The following CLTCL1 variants were observed in gnomAD, a reference collection of about 807,000 sequenced individuals.
The protein encoded by CLTCL1 is clathrin heavy chain like 1.
Under a neutral mutation model 190.0 loss-of-function variants are expected in CLTCL1, and 159 were observed. That is an observed-to-expected ratio of 0.84 (90% CI 0.74 to 0.95). CLTCL1 has a LOEUF of 0.95. CLTCL1 is among the 40% of genes least tolerant of loss of function. The pLI is 0.00. For missense variants in CLTCL1, 1,878 were observed against 2,033.4 expected, an observed-to-expected ratio of 0.92 and a Z score of 1.47; for synonymous variants, 752 against 769.6, an observed-to-expected ratio of 0.98 and a Z score of 0.38.
intron 1 of CLTCL1, among the ~76,000 whole-genome samples, chr22:19,289,949 G>C (rs1308956649): frequency 6.6e-6 from 1 of 152,210 alleles, no homozygotes; most frequent in African/African-American, 2.4e-5. Flanking sequence ...CTGTAGTGAA[G>C]GCAGTGTGTG....
chr22:19,260,120 G>A (rs2086893642), intron 2 of CLTCL1, among the ~76,000 whole-genome samples: 1 of 152,192 alleles, frequency 6.6e-6, no homozygotes, highest in Admixed American at 6.5e-5. Flanking sequence ...CATGAAGGCT[G>A]AGAGAGGTGA....
chr22:19,201,350 G>A lies in CLTCL1; in HGVS notation c.3744C>T (p.Ser1248=). ...QAAVDNSRKA[S]STRTWKEVCF... ...TCACCTCCTTCCACGTCCGGGTGCT[G>A]CTGGCCTTGCGGCTGTTGTCCACTG... Residue 1248 remains serine, a synonymous_variant, in exon 23 of 33, where the codon AGC becomes AGT. Coordinates refer to ENST00000427926, the MANE Select transcript of CLTCL1 (RefSeq NM_007098.4). 2 of 1,612,802 alleles carry A rather than the reference G, an allele frequency of 1.2e-6. No homozygotes were observed. The highest frequency in any genetic ancestry group is 1.7e-6 in the Non-Finnish European group (2 of 1,179,572).
chr22:19,266,277 AAAG>A lies in CLTCL1; in HGVS notation c.250+9343_250+9345del, dbSNP rs1341801565. ...ACCACTGCCAACCCCAAAGAAATTA[AAAG>A]AAGCGAATATTATGAACAATTTTAT... On this transcript the variant is annotated intron_variant, in intron 2 of 32. Coordinates refer to ENST00000427926, the MANE Select transcript of CLTCL1 (RefSeq NM_007098.4). Among the ~76,000 whole-genome samples the A allele has an allele frequency of 3.9e-5, 6 of 152,364 alleles. No individual in the cohort carries two copies. The South Asian group carries it at 8.3e-4, about 21-fold the overall frequency.
intron 3 of CLTCL1, among the ~76,000 whole-genome samples, chr22:19,245,090 G>A (rs1285718186): frequency 1.3e-5 from 2 of 151,844 alleles, no homozygotes; most frequent in African/African-American, 4.8e-5. Flanking sequence ...CCAGGTGACA[G>A]GAACAGAAGT....
intron 1 of CLTCL1, among the ~76,000 whole-genome samples, chr22:19,283,163 G>T (rs1477670259): frequency 1.3e-5 from 2 of 149,166 alleles, no homozygotes; most frequent in Non-Finnish European, 3.0e-5. Flanking sequence ...TGAGCCACAG[G>T]GCCTGGCCCA....
At chr22:19,180,283 C>T in intron 31 of CLTCL1, 45 bp from the exon 32 acceptor site, 2 of 1,610,918 alleles carry the variant, frequency 1.2e-6, no homozygotes, top group Non-Finnish European at 8.5e-7. Context: ...ACACACTCAG[C>T]CGGACGCTGG....
chr22:19,248,580 T>A (rs1388202564), intron 3 of CLTCL1, among the ~76,000 whole-genome samples: 2 of 152,204 alleles, frequency 1.3e-5, no homozygotes, highest in East Asian at 3.8e-4. Flanking sequence ...CCACCTCCAG[T>A]CATAGGCAAC....
At chr22:19,217,865 A>AG (rs1555950414) in intron 18 of CLTCL1, among the ~76,000 whole-genome samples, 1 of 151,688 alleles carries the variant, frequency 6.6e-6, no homozygotes, top group African/African-American at 2.4e-5. Context: ...AAAAAAAAAA[A>AG]AAAGAAAGAA....
Position 19,179,943 on chromosome 22 carries a change from TGGCAGGGGCTGGGCCCAC to T in CLTCL1, c.*29_*46del, listed in dbSNP as rs2084071591. Reference sequence around the variant, plus strand: ...GCAGAGGCATATCCATAGGGGAAGCTGGCAGGGGCTGGGCCCACGGCAGGGCCTGCAGAGGGGGAAGCC... The same window carrying T: ...GCAGAGGCATATCCATAGGGGAAGCTGGCAGGGCCTGCAGAGGGGGAAGCC... On this transcript the variant is annotated 3_prime_UTR_variant, in exon 33 of 33. Transcript: ENST00000427926. 5.6e-6 allele frequency: 3 copies of T among 539,082 alleles called. No individual in the cohort carries two copies. The highest frequency in any genetic ancestry group is 1.9e-5 in the African/African-American group (1 of 52,604). 33.4% of individuals were successfully genotyped at this position (539,082 alleles called of 1,614,324 possible).
At chr22:19,184,544 G>A (rs527844395) in intron 29 of CLTCL1, 8 of 456,022 alleles carry the variant, frequency 1.8e-5, no homozygotes, top group South Asian at 1.2e-4. Context: ...TTCCTACAAA[G>A]GCACCAGGAT....
At chr22:19,252,735 A>C (rs886524804) in intron 3 of CLTCL1, among the ~76,000 whole-genome samples, 8 of 151,954 alleles carry the variant, frequency 5.3e-5, no homozygotes, top group South Asian at 4.1e-4. Flanking sequence ...AAAAAAGGGG[A>C]CGGGCGCGGT....
At position 19,180,720 on chromosome 22, in the gene CLTCL1, G is replaced by T. The variant is rs1555925421; in HGVS notation, c.4903+11C>A. 1 of 1,613,490 alleles carries T rather than the reference G, an allele frequency of 6.2e-7. No homozygotes were observed. The highest frequency in any genetic ancestry group is 1.7e-5 in the Admixed American group (1 of 60,022). The stretch of plus-strand genomic sequence containing the variant: ...CTCCCCAGGGGGTTGGGGGCTACAG[G>T]TGCCACCTACCAAACACGAGAGGGG... On this transcript the variant is annotated intron_variant, in intron 31 of 32. Coordinates refer to ENST00000427926, the MANE Select transcript of CLTCL1 (RefSeq NM_007098.4).
rs781965357 is a variant in CLTCL1, at chr22:19,257,849, G to C, written c.251-3622C>G. ...TGGAGACTGAGAATTAGAGGCTGGA[G>C]AGCAAAAACCGGGAGCACCTGGAGA... On this transcript the variant is annotated intron_variant, in intron 2 of 32. Transcript: ENST00000427926. 8 of 1,419,462 alleles carry C rather than the reference G, an allele frequency of 5.6e-6. No individual in the cohort carries two copies. The South Asian group carries it at 7.8e-5, about 14-fold the overall frequency. 87.9% of individuals were successfully genotyped at this position (1,419,462 alleles called of 1,614,324 possible).
chr22:19,184,261 G>C (rs1199525001), intron 29 of CLTCL1: 3 of 331,960 alleles, frequency 9.0e-6, no homozygotes, highest in African/African-American at 2.2e-5. Context: ...AGGAACCTGA[G>C]ACCCAGATGT....
At chr22:19,207,666 G>A in intron 22 of CLTCL1, 1 of 446,534 alleles carries the variant, frequency 2.2e-6, no homozygotes, top group Non-Finnish European at 3.9e-6. Context: ...AGCGAGTGAA[G>A]CTTCATCTGT....
intron 2 of CLTCL1, among the ~76,000 whole-genome samples, chr22:19,271,065 CA>C (rs1262809324): frequency 2.0e-5 from 3 of 152,060 alleles, no homozygotes; most frequent in Non-Finnish European, 4.4e-5. Flanking sequence ...AGGGGGCCTC[CA>C]GGGGGTGCCA....
chr22:19,210,265 G>A, intron 20 of CLTCL1, 61 bp downstream of exon 20: 1 of 1,531,336 alleles, frequency 6.5e-7, no homozygotes, highest in Admixed American at 1.7e-5. Context: ...AGGGCTTGCA[G>A]GGCGCACTCA....
intron 2 of CLTCL1, among the ~76,000 whole-genome samples, chr22:19,267,803 G>A (rs1304764604): frequency 1.3e-5 from 2 of 151,964 alleles, no homozygotes; most frequent in Non-Finnish European, 2.9e-5. Context: ...GCTGAGGCAG[G>A]AGAATCGCTT....
intron 19 of CLTCL1, among the ~76,000 whole-genome samples, chr22:19,214,265 T>G (rs2085318667): frequency 6.6e-6 from 1 of 152,136 alleles, no homozygotes; most frequent in Admixed American, 6.5e-5. Flanking sequence ...CAGCACTGAT[T>G]AGGAGAGTGG....
Sources: allele counts gnomAD v4.1 joint callset (sites outside exome capture counted in the v4.1 genomes callset), GRCh38; gene constraint gnomAD v4.1.1; transcripts MANE v1.5; gene names NCBI Gene and HGNC (gene_info 2026-07-23, HGNC 2026-07-21).